Variants in SLC5A6 observed in about 807,000 individuals in gnomAD.
SLC5A6 encodes the protein sodium-dependent multivitamin transporter.
A neutral mutation model predicts 67.9 loss-of-function variants in SLC5A6; 31 were observed. The observed-to-expected ratio is 0.46, with a 90% confidence interval of 0.34 to 0.62. The LOEUF (loss-of-function observed/expected upper bound fraction) is 0.62. Ranked by LOEUF, SLC5A6 falls within the 20% of genes least tolerant of loss-of-function variation. SLC5A6 has a pLI of 0.01. For synonymous variants in SLC5A6, 343 were observed against 331.0 expected (o/e 1.04, Z -0.39); for missense variants, 673 against 812.8 (o/e 0.83, Z 2.09).
Position 27,205,011 on chromosome 2 carries a change from G to A in SLC5A6, c.735-80C>T, listed in dbSNP as rs1673949677. 5.5e-5 allele frequency: 85 copies of A among 1,551,454 alleles called. 2 individuals are homozygous for A. In the South Asian group the frequency reaches 9.2e-4, roughly 17 times the overall value. On this transcript the variant is annotated intron_variant, in intron 7 of 16. Coordinates refer to ENST00000310574, the MANE Select transcript of SLC5A6 (RefSeq NM_021095.4). ...GCCCTCTTGGCAACAGGAGTCAGTG[G>A]ACAGGAAAGGAGAGACACCACTGCT...
chr2:27,201,183 G>A, intron 15 of SLC5A6, 70 bp from the exon 16 acceptor site: 2 of 1,224,326 alleles, frequency 1.6e-6, no homozygotes, highest in Non-Finnish European at 2.3e-6. Flanking sequence ...GTCCTCCCTT[G>A]GCCCCCAGAG....
intron 9 of SLC5A6, among the ~76,000 whole-genome samples, chr2:27,204,210 G>A (rs1420657372): frequency 5.3e-5 from 8 of 152,192 alleles, no homozygotes; most frequent in African/African-American, 1.4e-4. Flanking sequence ...GCTCCCAGCA[G>A]AGCACATGGA....
Position 27,212,266 on chromosome 2 carries a change from A to T in SLC5A6, c.-454T>A. ...CCCCAAGCAGCCCCAGGGCGACTGG[A>T]CCGGGCCGCTTAGGCCACGCCCGGG... On this transcript the variant is annotated 5_prime_UTR_variant, in exon 1 of 17. Transcript: ENST00000310574. 1.3e-6 allele frequency: 2 copies of T among 1,557,228 alleles called. No homozygotes were observed. Among genetic ancestry groups the T allele is most frequent in the Non-Finnish European group, 1.7e-6 (2 of 1,150,908 alleles).
chr2:27,206,641 C>A, intron 4 of SLC5A6, 107 bp from the exon 5 acceptor site: 1 of 1,072,444 alleles, frequency 9.3e-7, no homozygotes, highest in Admixed American at 1.7e-5. Context: ...CTCACCTAGG[C>A]TCACTTCCCT....
At chr2:27,204,683 G>T in intron 8 of SLC5A6, 93 bp from the exon 9 acceptor site, 1 of 1,589,934 alleles carries the variant, frequency 6.3e-7, no homozygotes, top group South Asian at 1.1e-5. Context: ...CCCACATCCT[G>T]ACCACAGTGG....
At chr2:27,204,029 T>C (rs1376332225) in intron 9 of SLC5A6, among the ~76,000 whole-genome samples, 162 bp from the exon 10 acceptor site, 2 of 152,072 alleles carry the variant, frequency 1.3e-5, no homozygotes, top group African/African-American at 2.4e-5. Context: ...CCCAAGTGTC[T>C]ACACATTAAG....
chr2:27,201,732 A>G lies in SLC5A6; in HGVS notation c.1478T>C (p.Phe493Ser), dbSNP rs1355247759. 15 of 1,614,152 alleles carry G rather than the reference A, an allele frequency of 9.3e-6. No individual in the cohort carries two copies. Among genetic ancestry groups the G allele is most frequent in the Non-Finnish European group, 1.2e-5 (14 of 1,180,002 alleles). ...AACGGTTAGATTGGTGGGCAGGGAG[A>G]AGCTGGACCCATTAGAGGGAGAGGG... ...MPPSPSNGSS[F>S]SLPTNLTVAT... is the part of the protein sequence containing the mutation. Residue 493 changes from phenylalanine (F) to serine (S), a missense_variant, in exon 14 of 17, where the codon TTC becomes TCC. Transcript: ENST00000310574.
intron 10 of SLC5A6, 27 bp downstream of exon 10, chr2:27,203,752 C>T (rs1480100905): frequency 6.4e-7 from 1 of 1,564,098 alleles, no homozygotes; most frequent in Admixed American, 1.7e-5. Context: ...GTGCACCAGG[C>T]CTGAGGGAAA....
intron 2 of SLC5A6, among the ~76,000 whole-genome samples, chr2:27,211,163 G>A (rs961892574): frequency 6.6e-6 from 1 of 152,208 alleles, no homozygotes; most frequent in Non-Finnish European, 1.5e-5. Context: ...AATCTGTCCT[G>A]GGGCCTATAA....
intron 2 of SLC5A6, among the ~76,000 whole-genome samples, chr2:27,210,895 G>A (rs902671554): frequency 5.3e-5 from 8 of 152,100 alleles, no homozygotes; most frequent in African/African-American, 1.7e-4. Context: ...GTGGTGGCAG[G>A]CGCCTGTAGT....
chr2:27,205,949 C>T lies in SLC5A6; in HGVS notation c.579+77G>A, dbSNP rs1050648469. The T allele has an allele frequency of 1.5e-5, 17 of 1,123,802 alleles. No individual in the cohort carries two copies. In the Admixed American group the frequency reaches 1.9e-4, roughly 12 times the overall value. The allele number at this position is 1,123,802 out of a possible 1,614,324, so 69.6% of individuals were successfully genotyped here. On this transcript the variant is annotated intron_variant, in intron 6 of 16. Transcript: ENST00000310574. The stretch of plus-strand genomic sequence containing the variant: ...CCTCATCTATATTCTCAGCTTATCT[C>T]TTCTTTTCCTTCTCTTCCCATGTCC...
Position 27,207,264 on chromosome 2 carries a change from G to A in SLC5A6, c.387C>T (p.Ala129=). 6.2e-7 allele frequency: 1 copy of A among 1,613,804 alleles called. No homozygotes were observed. The highest frequency in any genetic ancestry group is 1.1e-5 in the South Asian group (1 of 91,074). The change falls in exon 3 of 17, where the codon GCC becomes GCT. Residue 129 remains alanine, a synonymous_variant. Coordinates refer to ENST00000310574, the MANE Select transcript of SLC5A6 (RefSeq NM_021095.4). The surrounding 1 kb of genome is among the most constrained non-coding windows in gnomAD (Gnocchi z 5.5). ...CCCTTCTGTCCCTGCTCACCTCATA[G>A]GCACTGGTGAGATGCAGGCGGTAGA... ...PVFYRLHLTS[A]YEYLELRFNK...
At chr2:27,210,371 C>A (rs1229974930) in intron 2 of SLC5A6, among the ~76,000 whole-genome samples, 4 of 152,124 alleles carry the variant, frequency 2.6e-5, no homozygotes, top group Non-Finnish European at 5.9e-5. Flanking sequence ...AAAGCAAGAG[C>A]TAGCTGTTGT....
chr2:27,204,421 C>A, intron 9 of SLC5A6, 40 bp downstream of exon 9: 1 of 1,577,666 alleles, frequency 6.3e-7, no homozygotes, highest in Non-Finnish European at 8.6e-7. Context: ...TGTTGTGGGG[C>A]CAGGCCTGCC....
In SLC5A6 at chr2:27,200,478, CT is replaced by C; in HGVS notation, c.1865del (p.Gln622ArgfsTer30). On this transcript the variant is annotated frameshift_variant, in exon 17 of 17. Coordinates refer to ENST00000310574, the MANE Select transcript of SLC5A6 (RefSeq NM_021095.4). LOFTEE classifies it high-confidence loss of function. ...GGAGGATGCAGGTGGAGCTGCTCCCCTGATAGGCTGTGCCATCCAGGGCCAT... is the reference window on the plus strand; with the variant it reads ...GGAGGATGCAGGTGGAGCTGCTCCCCGATAGGCTGTGCCATCCAGGGCCAT... ...EAMALDGTAY[Q>X]GSSSTCILQE... The C allele has an allele frequency of 1.2e-6, 2 of 1,613,832 alleles. No individual in the cohort carries two copies. The highest frequency in any genetic ancestry group is 1.7e-6 in the Non-Finnish European group (2 of 1,179,798).
chr2:27,208,022 T>A (rs1010833370), intron 2 of SLC5A6, among the ~76,000 whole-genome samples: 1 of 152,192 alleles, frequency 6.6e-6, no homozygotes, highest in African/African-American at 2.4e-5. Flanking sequence ...TGCACAGCTG[T>A]GAAATTCAAC....
chr2:27,203,101 G>A (rs1572386391), intron 11 of SLC5A6, 132 bp downstream of exon 11: 1 of 1,519,142 alleles, frequency 6.6e-7, no homozygotes, highest in South Asian at 1.3e-5. Context: ...ATGCATGCAG[G>A]GAAGGTTGTG....
At chr2:27,203,721 CT>C (rs1673827024) in intron 10 of SLC5A6, 57 bp downstream of exon 10, 10 of 1,316,356 alleles carry the variant, frequency 7.6e-6, no homozygotes, top group Middle Eastern at 3.6e-4. Flanking sequence ...CACCCATCAC[CT>C]TGTACCAAAT....
intron 14 of SLC5A6, 65 bp downstream of exon 14, chr2:27,201,601 G>A: frequency 6.6e-7 from 1 of 1,524,956 alleles, no homozygotes; most frequent in East Asian, 2.3e-5. Context: ...CCCTTAGCAA[G>A]ACCCCTGTGA....
Sources: allele counts gnomAD v4.1 joint callset (sites outside exome capture counted in the v4.1 genomes callset), GRCh38; gene constraint gnomAD v4.1.1; non-coding constraint Gnocchi (gnomAD v3.1); transcripts MANE v1.5; gene names NCBI Gene and HGNC (gene_info 2026-07-23, HGNC 2026-07-21).